Variants in DUOXA2 observed in about 807,000 individuals in gnomAD.
The protein encoded by DUOXA2 is dual oxidase maturation factor 2.
Under a neutral mutation model 27.6 loss-of-function variants are expected in DUOXA2, and 22 were observed. The ratio of observed to expected loss-of-function variants is 0.80; its 90% CI spans 0.57 to 1.14. DUOXA2 has a LOEUF of 1.14. Ranked by LOEUF, DUOXA2 falls within the 50% of genes most tolerant of loss-of-function variation. The probability of loss-of-function intolerance (pLI) is 0.00; values close to 1 mark genes in which losing one functional copy is unlikely to be tolerated. For missense variants in DUOXA2, 481 were observed against 419.9 expected (o/e 1.15, Z -1.27); for synonymous variants, 188 against 184.4 (o/e 1.02, Z -0.16).
At chr15:45,114,787 G>A (rs894070500) in intron 1 of DUOXA2, 35 bp downstream of exon 1, 6 of 1,614,054 alleles carry the variant, frequency 3.7e-6, no homozygotes, top group Admixed American at 1.7e-5. Flanking sequence ...TAGAGTGGGG[G>A]AAGGCTCATG....
chr15:45,117,923 T>G lies in DUOXA2; in HGVS notation c.*14T>G, dbSNP rs1463588945. Reference sequence around the variant, plus strand: ...ACTAACCTGTGAGGGGGACCCAATCTGGACTCCTTCCCCGCCTTGGGACAT... The same window carrying G: ...ACTAACCTGTGAGGGGGACCCAATCGGGACTCCTTCCCCGCCTTGGGACAT... On this transcript the variant is annotated 3_prime_UTR_variant, in exon 6 of 6. Transcript: ENST00000323030. 3 of 1,613,132 alleles carry G rather than the reference T, an allele frequency of 1.9e-6. No individual in the cohort carries two copies. The African/African-American group carries it at 4.0e-5, about 22-fold the overall frequency.
chr15:45,118,291 C>A lies in DUOXA2; in HGVS notation c.*382C>A, dbSNP rs1894822669. On this transcript the variant is annotated 3_prime_UTR_variant, in exon 6 of 6. Coordinates refer to ENST00000323030, the MANE Select transcript of DUOXA2 (RefSeq NM_207581.4). Reference sequence around the variant, plus strand: ...GGAGGGACCCTACCAGAGCTAGCATCTTTCTGAACCACCCCAGGGGGACGT... The same window carrying A: ...GGAGGGACCCTACCAGAGCTAGCATATTTCTGAACCACCCCAGGGGGACGT... 3.8e-6 allele frequency: 5 copies of A among 1,323,122 alleles called. No homozygotes were observed. Among genetic ancestry groups the A allele is most frequent in the Admixed American group, 3.7e-5 (1 of 27,130 alleles). 82.0% of individuals were successfully genotyped at this position (1,323,122 alleles called of 1,614,324 possible).
intron 4 of DUOXA2, 148 bp from the exon 5 acceptor site, chr15:45,116,943 C>T (rs1894667174): frequency 9.0e-7 from 1 of 1,113,874 alleles, no homozygotes; most frequent in Non-Finnish European, 1.3e-6. Context: ...CTCAGGAGCC[C>T]GCTTCTCCCC....
Position 45,114,487 on chromosome 15 carries a change from C to T in DUOXA2, c.-119C>T. 1 of 1,402,922 alleles carries T rather than the reference C, an allele frequency of 7.1e-7. No individual in the cohort carries two copies. The highest frequency in any genetic ancestry group is 9.8e-7 in the Non-Finnish European group (1 of 1,023,544). 86.9% of individuals were successfully genotyped at this position (1,402,922 alleles called of 1,614,324 possible). A position where few individuals can be genotyped will look rare whatever the true frequency, so the allele number is the denominator to read the frequency against. On this transcript the variant is annotated 5_prime_UTR_variant, in exon 1 of 6. Transcript: ENST00000323030. The stretch of plus-strand genomic sequence containing the variant: ...GGTGCAGGACTCAGACTTCACCAGC[C>T]CACTCGGTCCCAGCCTTGTACGCAA...
chr15:45,114,588 A>C lies in DUOXA2; in HGVS notation c.-18A>C, dbSNP rs749412178. On this transcript the variant is annotated 5_prime_UTR_variant, in exon 1 of 6. Coordinates refer to ENST00000323030, the MANE Select transcript of DUOXA2 (RefSeq NM_207581.4). ...GCTTGCCTGCCCGCCTGCGTGCAGC[A>C]CTCGGCCGGCGTGCAGCATGACCCT... is the stretch of plus-strand genomic sequence containing the variant. 6.2e-7 allele frequency: 1 copy of C among 1,613,146 alleles called. No individual in the cohort carries two copies. Among genetic ancestry groups the C allele is most frequent in the Admixed American group, 1.7e-5 (1 of 59,990 alleles).
At position 45,114,814 on chromosome 15, in the gene DUOXA2, AG is replaced by A. The variant is rs1013358965; in HGVS notation, c.147+65del. ...AGGCTCATGGGCAGATTGTCTCCTG[AG>A]GGACCCAGGACAGGTAAGACTGTAC... is the stretch of plus-strand genomic sequence containing the variant. On this transcript the variant is annotated intron_variant, in intron 1 of 5. Transcript: ENST00000323030. The A allele has an allele frequency of 9.3e-6, 15 of 1,611,264 alleles. No homozygotes were observed. The Admixed American group carries it at 2.5e-4, about 27-fold the overall frequency.
intron 5 of DUOXA2, 77 bp from the exon 6 acceptor site, chr15:45,117,639 C>T (rs755140602): frequency 3.2e-5 from 51 of 1,613,644 alleles, no homozygotes; most frequent in Non-Finnish European, 4.1e-5. Flanking sequence ...TCGTTTGAGG[C>T]CAGAGTTCGA....
In DUOXA2 at chr15:45,117,270, A is replaced by G. The variant is rs1176363796; in HGVS notation, c.734A>G (p.Gln245Arg). Residue 245 changes from glutamine (Q) to arginine (R), a missense_variant, in exon 5 of 6, where the codon CAG (glutamine) becomes CGG (arginine). Coordinates refer to ENST00000323030, the MANE Select transcript of DUOXA2 (RefSeq NM_207581.4). Reference sequence around the variant, plus strand: ...CTAGGCTCCTCCGCGCTCACCACTCAGTACGGCGCCGCCTTCTGGGTCACG... The same window carrying G: ...CTAGGCTCCTCCGCGCTCACCACTCGGTACGGCGCCGCCTTCTGGGTCACG... Reference protein sequence around the residue: ...LRLGSSALTTQYGAAFWVTLA... With the variant: ...LRLGSSALTTRYGAAFWVTLA... The G allele has an allele frequency of 6.2e-7, 1 of 1,604,794 alleles. No homozygotes were observed. The highest frequency in any genetic ancestry group is 1.3e-5 in the African/African-American group (1 of 74,810).
Position 45,116,184 on chromosome 15 carries a change from C to A in DUOXA2, c.266C>A (p.Ala89Asp). ...GTGAACACCAACACATCCTACAAAG[C>A]CTTCAGCGCAGCGCGCGTTACAGCC... ...GTVNTNTSYK[A>D]FSAARVTARV... The change falls in exon 3 of 6, where the codon GCC (alanine) becomes GAC (aspartate). Residue 89 changes from alanine (A) to aspartate (D), a missense_variant. Physicochemically the swap from Ala to Asp is moderately radical, Grantham distance 126. Transcript: ENST00000323030. 1.2e-6 allele frequency: 2 copies of A among 1,614,094 alleles called. No homozygotes were observed. Among genetic ancestry groups the A allele is most frequent in the African/African-American group, 1.3e-5 (1 of 75,034 alleles).
intron 4 of DUOXA2, 127 bp downstream of exon 4, chr15:45,116,856 A>AT: frequency 8.1e-7 from 1 of 1,229,116 alleles, no homozygotes; most frequent in Non-Finnish European, 1.2e-6. Flanking sequence ...CGGGGTGGGC[A>AT]TGACAGCCTC....
At chr15:45,115,057 C>T (rs1177285798) in intron 1 of DUOXA2, among the ~76,000 whole-genome samples, 2 of 152,162 alleles carry the variant, frequency 1.3e-5, no homozygotes, top group Non-Finnish European at 2.9e-5. Context: ...GAGGGCCTCC[C>T]ACCTCTCCCA....
chr15:45,115,030 C>T (rs893101), intron 1 of DUOXA2, among the ~76,000 whole-genome samples: 1 of 152,212 alleles, frequency 6.6e-6, no homozygotes, highest in Admixed American at 6.5e-5. Context: ...GAGGAACAGT[C>T]TAGGCTTCTT....
intron 3 of DUOXA2, 96 bp from the exon 4 acceptor site, chr15:45,116,420 C>G: frequency 5.1e-6 from 8 of 1,562,288 alleles, no homozygotes; most frequent in Middle Eastern, 1.7e-4. Context: ...CCATTTCTCC[C>G]GCCGAGAGCG....
At position 45,115,667 on chromosome 15, in the gene DUOXA2, G is replaced by A. The variant is rs958906973; in HGVS notation, c.148-132G>A. 1.0e-5 allele frequency: 11 copies of A among 1,100,712 alleles called. No individual in the cohort carries two copies. In the African/African-American group the frequency reaches 1.4e-4, roughly 14 times the overall value. The allele number at this position is 1,100,712 out of a possible 1,614,324, so 68.2% of individuals were successfully genotyped here. ...TGCCAGTAGCCCAGAGGGACTTGCA[G>A]GAAAAGCGTGCCTAACATTAGTCTC... On this transcript the variant is annotated intron_variant, in intron 1 of 5. Transcript: ENST00000323030.
chr15:45,115,447 A>C, intron 1 of DUOXA2: 1 of 511,600 alleles, frequency 2.0e-6, no homozygotes. Context: ...CTGCGTGCCT[A>C]GCACTTCTGG....
intron 1 of DUOXA2, 31 bp downstream of exon 1, chr15:45,114,783 G>T (rs755975201): frequency 1.2e-6 from 2 of 1,614,056 alleles, no homozygotes; most frequent in South Asian, 2.2e-5. Flanking sequence ...CAGGTAGAGT[G>T]GGGGAAGGCT....
intron 5 of DUOXA2, 171 bp from the exon 6 acceptor site, chr15:45,117,545 A>G (rs758651908): frequency 5.1e-6 from 8 of 1,571,736 alleles, no homozygotes; most frequent in Non-Finnish European, 6.9e-6. Context: ...GGGAGGTAAC[A>G]CAAGGGGTAG....
chr15:45,115,542 G>A, intron 1 of DUOXA2: 2 of 657,702 alleles, frequency 3.0e-6, no homozygotes, highest in Non-Finnish European at 5.6e-6. Flanking sequence ...TGAAGGTGGT[G>A]GAAGAGTGCC....
intron 1 of DUOXA2, chr15:45,115,546 G>GA (rs1894587074): frequency 3.0e-6 from 2 of 661,750 alleles, no homozygotes; most frequent in Non-Finnish European, 5.6e-6. Flanking sequence ...GGTGGTGGAA[G>GA]AGTGCCAGGA....
Sources: gnomAD v4.1 joint callset for allele counts (sites outside exome capture counted in the v4.1 genomes callset) on GRCh38, gnomAD v4.1.1 for gene constraint, MANE v1.5 for transcripts, NCBI Gene and HGNC (gene_info 2026-07-23, HGNC 2026-07-21) for gene names.